TAX1BP3: variants seen among roughly 807,000 people sequenced by gnomAD.
The protein encoded by TAX1BP3 is tax1-binding protein 3.
A neutral mutation model predicts 15.3 loss-of-function variants in TAX1BP3; 13 were observed. The observed-to-expected ratio is 0.85, with a 90% CI of 0.55 to 1.35. The LOEUF is 1.35. Among genes scored for constraint, TAX1BP3 ranks in the 40% most tolerant of loss-of-function variants. The pLI is 0.00. For missense variants in TAX1BP3, 147 were observed against 169.6 expected (o/e 0.87, Z 0.74); for synonymous variants, 70 against 66.0 (o/e 1.06, Z -0.30).
At position 3,668,081 on chromosome 17, in the gene TAX1BP3, G is replaced by A. The variant is rs1246132985; in HGVS notation, c.39+407C>T. On this transcript the variant is annotated intron_variant, in intron 1 of 3. Coordinates refer to ENST00000225525, the MANE Select transcript of TAX1BP3 (RefSeq NM_014604.4). This position sits in a 1 kb window ranked among gnomAD's most constrained non-coding sequence, Gnocchi z 4.1. ...CCCCCAGATCTCCCTCCGGGCGGCG[G>A]CGCAGGCTGCAGCGGAGGAAGCATT... is the stretch of plus-strand genomic sequence containing the variant. 6.6e-6 allele frequency among the ~76,000 whole-genome samples: 1 copy of A among 152,264 alleles called. No homozygotes were observed. Among genetic ancestry groups the A allele is most frequent in the Admixed American group, 6.5e-5 (1 of 15,288 alleles).
At position 3,668,578 on chromosome 17, in the gene TAX1BP3, T is replaced by G. The variant is rs533055323; in HGVS notation, c.-52A>C. 3 of 1,558,342 alleles carry G rather than the reference T, an allele frequency of 1.9e-6. No homozygotes were observed. The African/African-American group carries it at 4.2e-5, about 22-fold the overall frequency. On this transcript the variant is annotated 5_prime_UTR_variant, in exon 1 of 4. Transcript: ENST00000225525. The surrounding 1 kb of genome is among the most constrained non-coding windows in gnomAD (Gnocchi z 4.1). ...CCGCTCCGAGAAGCCGGCAGCAGAG[T>G]ACCCGCGGTCGCGCCCTCGCTGCTT... is the stretch of plus-strand genomic sequence containing the variant.
chr17:3,665,421 C>A, intron 1 of TAX1BP3: 1 of 1,465,754 alleles, frequency 6.8e-7, no homozygotes, highest in Non-Finnish European at 9.4e-7. Flanking sequence ...CTACAATGTT[C>A]CCCAGCATGC....
intron 1 of TAX1BP3, among the ~76,000 whole-genome samples, chr17:3,666,795 C>A (rs553494116): frequency 6.6e-6 from 1 of 152,086 alleles, no homozygotes; most frequent in Non-Finnish European, 1.5e-5. Flanking sequence ...CCAGTTATGG[C>A]GTGAGGGAGG....
intron 2 of TAX1BP3, 115 bp downstream of exon 2, chr17:3,664,564 G>T: frequency 7.0e-7 from 1 of 1,429,890 alleles, no homozygotes; most frequent in Admixed American, 1.7e-5. Context: ...CCTTCTTAGA[G>T]AGCATGGTTT....
At chr17:3,665,973 T>C (rs1316537894) in intron 1 of TAX1BP3, among the ~76,000 whole-genome samples, 1 of 151,818 alleles carries the variant, frequency 6.6e-6, no homozygotes, top group Non-Finnish European at 1.5e-5. Context: ...CAGAAACGAG[T>C]GTTCTGGGGC....
rs960609103 is a variant in TAX1BP3 at position 3,668,424 on chromosome 17, C to T, written c.39+64G>A. On this transcript the variant is annotated intron_variant, in intron 1 of 3. Transcript: ENST00000225525. This position sits in a 1 kb window ranked among gnomAD's most constrained non-coding sequence, Gnocchi z 4.1. The stretch of plus-strand genomic sequence containing the variant: ...GCTCTGTCAACCTGCTTGGGGTGTC[C>T]GTTTCCCGCTCTGCGAGGTGGGGTC... The T allele has an allele frequency of 1.9e-6, 3 of 1,581,090 alleles. No individual in the cohort carries two copies. The African/African-American group carries it at 4.1e-5, about 22-fold the overall frequency.
At chr17:3,667,340 C>CAAAA (rs761986087) in intron 1 of TAX1BP3, among the ~76,000 whole-genome samples, 1 of 61,152 alleles carries the variant, frequency 1.6e-5, no homozygotes, top group Non-Finnish European at 3.4e-5. Flanking sequence ...AAGACTGTCT[C>CAAAA]AAAAAAAAAA....
intron 1 of TAX1BP3, among the ~76,000 whole-genome samples, chr17:3,666,731 G>T (rs2076342429): frequency 6.6e-6 from 1 of 152,128 alleles, no homozygotes; most frequent in Non-Finnish European, 1.5e-5. Context: ...GCACGTTCCT[G>T]GTGTTACCAG....
At chr17:3,667,979 G>A (rs2076359395) in intron 1 of TAX1BP3, among the ~76,000 whole-genome samples, 4 of 152,280 alleles carry the variant, frequency 2.6e-5, no homozygotes, top group Admixed American at 2.0e-4. Context: ...CCCTGGACCA[G>A]GCGGCGAGTG....
rs1218660701 is a variant in TAX1BP3 at position 3,668,329 on chromosome 17, A to C, written c.39+159T>G. 2.0e-5 allele frequency among the ~76,000 whole-genome samples: 3 copies of C among 152,138 alleles called. No individual in the cohort carries two copies. Among genetic ancestry groups the C allele is most frequent in the Admixed American group, 2.0e-4 (3 of 15,284 alleles). ...CCATCCCTGTTTCGTGGCTGGGGGA[A>C]CTGCGGCCCGCTCCGGCAAAGCGGG... On this transcript the variant is annotated intron_variant, in intron 1 of 3. Coordinates refer to ENST00000225525, the MANE Select transcript of TAX1BP3 (RefSeq NM_014604.4). The surrounding 1 kb of genome is among the most constrained non-coding windows in gnomAD (Gnocchi z 4.1).
Position 3,663,679 on chromosome 17 carries a change from G to T in TAX1BP3, c.*69C>A. 1.3e-6 allele frequency: 2 copies of T among 1,542,702 alleles called. No individual in the cohort carries two copies. The highest frequency in any genetic ancestry group is 2.4e-5 in the South Asian group (2 of 81,670). On this transcript the variant is annotated 3_prime_UTR_variant, in exon 4 of 4. Transcript: ENST00000225525. ...CCAGCGGTCAGCAGAAGCCAGATGG[G>T]GACAGAGTGTGGAAGTGGCGTTACT... is the stretch of plus-strand genomic sequence containing the variant.
Position 3,663,689 on chromosome 17 carries a change from T to C in TAX1BP3, c.*59A>G. The C allele has an allele frequency of 6.4e-7, 1 of 1,557,744 alleles. No individual in the cohort carries two copies. The highest frequency in any genetic ancestry group is 1.2e-5 in the South Asian group (1 of 84,328). Reference sequence around the variant, plus strand: ...GCAGAAGCCAGATGGGGACAGAGTGTGGAAGTGGCGTTACTGTACAGAGAG... The same window carrying C: ...GCAGAAGCCAGATGGGGACAGAGTGCGGAAGTGGCGTTACTGTACAGAGAG... On this transcript the variant is annotated 3_prime_UTR_variant, in exon 4 of 4. Coordinates refer to ENST00000225525, the MANE Select transcript of TAX1BP3 (RefSeq NM_014604.4).
At chr17:3,664,653 G>A (rs747646792) in intron 2 of TAX1BP3, 26 bp downstream of exon 2, 32 of 1,613,234 alleles carry the variant, frequency 2.0e-5, no homozygotes, top group African/African-American at 6.7e-5. Context: ...CCCATGGAGC[G>A]GTCCCAGGAC....
At position 3,668,566 on chromosome 17, in the gene TAX1BP3, C is replaced by CCGG; in HGVS notation, c.-43_-41dup. The CCGG allele has an allele frequency of 6.3e-7, 1 of 1,579,646 alleles. No individual in the cohort carries two copies. Among genetic ancestry groups the CCGG allele is most frequent in the Non-Finnish European group, 8.6e-7 (1 of 1,164,892 alleles). ...GGTCGCCCAGCGCCGCTCCGAGAAG[C>CCGG]CGGCAGCAGAGTACCCGCGGTCGCG... On this transcript the variant is annotated 5_prime_UTR_variant, in exon 1 of 4. Transcript: ENST00000225525. This position sits in a 1 kb window ranked among gnomAD's most constrained non-coding sequence, Gnocchi z 4.1.
At chr17:3,665,881 C>G (rs528276245) in intron 1 of TAX1BP3, among the ~76,000 whole-genome samples, 1 of 152,054 alleles carries the variant, frequency 6.6e-6, no homozygotes, top group Non-Finnish European at 1.5e-5. Context: ...CGAGATGAGG[C>G]TGAAAGTGTA....
At position 3,668,141 on chromosome 17, in the gene TAX1BP3, G is replaced by A. The variant is rs992713593; in HGVS notation, c.39+347C>T. ...CAGAGGCTGCGACTCATGGACGTCG[G>A]GATCGGCGCCCGCCCCCAGCAGCTC... On this transcript the variant is annotated intron_variant, in intron 1 of 3. Transcript: ENST00000225525. The surrounding 1 kb of genome is among the most constrained non-coding windows in gnomAD (Gnocchi z 4.1). Among the ~76,000 whole-genome samples the A allele has an allele frequency of 2.0e-5, 3 of 152,264 alleles. No individual in the cohort carries two copies. The highest frequency in any genetic ancestry group is 7.2e-5 in the African/African-American group (3 of 41,476).
chr17:3,666,711 C>G (rs2076342206), intron 1 of TAX1BP3, among the ~76,000 whole-genome samples: 1 of 152,154 alleles, frequency 6.6e-6, no homozygotes, highest in Admixed American at 6.5e-5. Flanking sequence ...ACCATACACA[C>G]CATGTCCAGG....
At position 3,663,568 on chromosome 17, in the gene TAX1BP3, C is replaced by T; in HGVS notation, c.*180G>A. 1.1e-6 allele frequency: 1 copy of T among 908,520 alleles called. No individual in the cohort carries two copies. Among genetic ancestry groups the T allele is most frequent in the East Asian group, 2.9e-5 (1 of 34,814 alleles). The allele number at this position is 908,520 out of a possible 1,614,324, so 56.3% of individuals were successfully genotyped here. A position where few individuals can be genotyped will look rare whatever the true frequency, so the allele number is the denominator to read the frequency against. On this transcript the variant is annotated 3_prime_UTR_variant, in exon 4 of 4. Transcript: ENST00000225525. ...CGGTGTCCAGGAGAGAAAGCCGGTC[C>T]CAGAGGCCCCAGGCCAGGGATGGGA...
chr17:3,664,804 A>G lies in TAX1BP3; in HGVS notation c.40-6T>C. The G allele has an allele frequency of 6.2e-7, 1 of 1,612,490 alleles. No individual in the cohort carries two copies. The highest frequency in any genetic ancestry group is 2.2e-5 in the East Asian group (1 of 44,884). On this transcript the variant is annotated splice_region_variant and splice_polypyrimidine_tract_variant and intron_variant, in intron 1 of 3. Transcript: ENST00000225525. ...TTGTGAATTTCAACTCTTTGCTGGC[A>G]AAGAAAAAAGCCAGTTGAGAGAAGT...
Sources: allele counts gnomAD v4.1 joint callset (sites outside exome capture counted in the v4.1 genomes callset), GRCh38; gene constraint gnomAD v4.1.1; non-coding constraint Gnocchi (gnomAD v3.1); transcripts MANE v1.5; gene names NCBI Gene and HGNC (gene_info 2026-07-23, HGNC 2026-07-21).